The following USP6NL variants were observed in gnomAD, a reference collection of about 807,000 sequenced individuals.
USP6NL encodes the protein USP6 N-terminal like, also known as USP6 N-terminal-like protein.
In USP6NL, 26 loss-of-function variants were observed where a neutral mutation model predicts 61.9. That is an observed-to-expected ratio of 0.42 (90% CI 0.31 to 0.58). The LOEUF is 0.58. Ranked by LOEUF, USP6NL falls within the 20% of genes least tolerant of loss-of-function variation. The probability of loss-of-function intolerance (pLI) is 0.16; values close to 1 mark genes in which losing one functional copy is unlikely to be tolerated. For missense variants in USP6NL, 1,114 were observed against 1,034.3 expected (o/e 1.08, Z -1.06); for synonymous variants, 432 against 390.1 (o/e 1.11, Z -1.27).
chr10:11,480,748 T>C (rs568172901), intron 14 of USP6NL, among the ~76,000 whole-genome samples: 2 of 152,346 alleles, frequency 1.3e-5, no homozygotes, highest in African/African-American at 4.8e-5. Flanking sequence ...ACAGCCAACA[T>C]GACACACTGA....
In USP6NL at chr10:11,537,083, C is replaced by G. The variant is rs886873147; in HGVS notation, c.5-9516G>C. On this transcript the variant is annotated intron_variant, in intron 2 of 14. Transcript: ENST00000609104. The surrounding 1 kb of genome is among the most constrained non-coding windows in gnomAD (Gnocchi z 5.1). ...AGAGCCACACAAGTTCCATACATAT[C>G]TTCATATTCCTCCAGGTTTTGTTTT... Among the ~76,000 whole-genome samples the G allele has an allele frequency of 6.6e-6, 1 of 151,994 alleles. No homozygotes were observed. The highest frequency in any genetic ancestry group is 2.4e-5 in the African/African-American group (1 of 41,424).
intron 10 of USP6NL, among the ~76,000 whole-genome samples, 158 bp downstream of exon 10, chr10:11,488,943 GA>G (rs976340594): frequency 6.6e-6 from 1 of 152,186 alleles, no homozygotes; most frequent in Non-Finnish European, 1.5e-5. Flanking sequence ...GTTCAATAAT[GA>G]AAAATGAAAG....
At chr10:11,529,486 G>A (rs2133412353) in intron 2 of USP6NL, among the ~76,000 whole-genome samples, 1 of 152,344 alleles carries the variant, frequency 6.6e-6, no homozygotes, top group African/African-American at 2.4e-5. Flanking sequence ...AAACAACAGA[G>A]TGGGAAGTTG....
In USP6NL at chr10:11,591,994, T is replaced by C. The variant is rs1252298069; in HGVS notation, c.4+5637A>G. Among the ~76,000 whole-genome samples the C allele has an allele frequency of 3.3e-5, 5 of 152,056 alleles. No individual in the cohort carries two copies. Among genetic ancestry groups the C allele is most frequent in the African/African-American group, 1.2e-4 (5 of 41,384 alleles). ...AAGCAATTCTCCTGCCTCAGCCTCCTGAGTAGCTGAAATTACCGGCACCCA... is the reference window on the plus strand; with the variant it reads ...AAGCAATTCTCCTGCCTCAGCCTCCCGAGTAGCTGAAATTACCGGCACCCA... On this transcript the variant is annotated intron_variant, in intron 2 of 14. Coordinates refer to ENST00000609104, the MANE Select transcript of USP6NL (RefSeq NM_014688.5). The surrounding 1 kb of genome is among the most constrained non-coding windows in gnomAD (Gnocchi z 4.7).
At chr10:11,527,476 A>G (rs771621104) in intron 3 of USP6NL, 24 bp downstream of exon 3, 12 of 1,580,222 alleles carry the variant, frequency 7.6e-6, no homozygotes, top group South Asian at 1.2e-5. Flanking sequence ...AAACTCACCC[A>G]AAGTGTTAAA....
At position 11,537,531 on chromosome 10, in the gene USP6NL, AT is replaced by A. The variant is rs1336441305; in HGVS notation, c.5-9965del. 1.3e-5 allele frequency among the ~76,000 whole-genome samples: 2 copies of A among 152,222 alleles called. No homozygotes were observed. Among genetic ancestry groups the A allele is most frequent in the African/African-American group, 4.8e-5 (2 of 41,448 alleles). ...GCACAAATATGATTTATACCTTCCC[AT>A]TCAAAATATTTCTCGTATCACCAAT... On this transcript the variant is annotated intron_variant, in intron 2 of 14. Coordinates refer to ENST00000609104, the MANE Select transcript of USP6NL (RefSeq NM_014688.5). The surrounding 1 kb of genome is among the most constrained non-coding windows in gnomAD (Gnocchi z 5.1).
At position 11,463,863 on chromosome 10, in the gene USP6NL, G is replaced by A. The variant is rs187012764; in HGVS notation, c.1079-14C>T. 4.5e-4 allele frequency: 658 copies of A among 1,456,906 alleles called. 7 individuals are homozygous for A. In the Admixed American group the frequency reaches 0.017, roughly 38 times the overall value. 90.2% of individuals were successfully genotyped at this position (1,456,906 alleles called of 1,614,324 possible). On this transcript the variant is annotated splice_polypyrimidine_tract_variant and intron_variant, in intron 14 of 14. Coordinates refer to ENST00000609104, the MANE Select transcript of USP6NL (RefSeq NM_014688.5). The surrounding 1 kb of genome is among the most constrained non-coding windows in gnomAD (Gnocchi z 6.3). ...CATCCTCTTTACCTGAAAAGAAAGA[G>A]AAAGGCTAAGTAAGATAATACACGA...
intron 5 of USP6NL, among the ~76,000 whole-genome samples, chr10:11,516,198 C>A (rs1354505762): frequency 6.6e-6 from 1 of 152,042 alleles, no homozygotes; most frequent in African/African-American, 2.4e-5. Context: ...GACTGTATAC[C>A]ACTCTCCCTA....
intron 1 of USP6NL, among the ~76,000 whole-genome samples, chr10:11,609,986 C>A (rs889959136): frequency 1.3e-5 from 2 of 152,146 alleles, no homozygotes; most frequent in Admixed American, 6.5e-5. Context: ...ACTAAGTAGG[C>A]ACCAAAACTG....
At chr10:11,493,665 T>G (rs1368425172) in intron 7 of USP6NL, among the ~76,000 whole-genome samples, 1 of 152,268 alleles carries the variant, frequency 6.6e-6, no homozygotes, top group East Asian at 1.9e-4. Flanking sequence ...AATTCAATCC[T>G]AAGCTCCACT....
At chr10:11,557,678 A>G (rs1836765701) in intron 2 of USP6NL, among the ~76,000 whole-genome samples, 1 of 152,226 alleles carries the variant, frequency 6.6e-6, no homozygotes, top group Non-Finnish European at 1.5e-5. Flanking sequence ...AGAGCTGAGT[A>G]AGCAATGTTC....
intron 2 of USP6NL, among the ~76,000 whole-genome samples, chr10:11,568,279 C>T (rs1035441638): frequency 1.3e-5 from 2 of 152,014 alleles, no homozygotes; most frequent in Non-Finnish European, 2.9e-5. Flanking sequence ...CTTCAAGAAA[C>T]TAATTAGAAT....
rs2133239769 is a variant in USP6NL, at chr10:11,485,326, T to A, written c.760-92A>T. On this transcript the variant is annotated intron_variant, in intron 11 of 14. Transcript: ENST00000609104. This position sits in a 1 kb window ranked among gnomAD's most constrained non-coding sequence, Gnocchi z 4.8. ...TTAGGAAGGCTGTTGGATGCAGCTA[T>A]CAAAGCTAAACACATTTACTTCTCA... 3.9e-6 allele frequency: 4 copies of A among 1,025,056 alleles called. No homozygotes were observed. In the East Asian group the frequency reaches 1.1e-4, roughly 27 times the overall value. 63.5% of individuals were successfully genotyped at this position (1,025,056 alleles called of 1,614,324 possible).
In USP6NL at chr10:11,533,407, T is replaced by C. The variant is rs183521489; in HGVS notation, c.5-5840A>G. Reference sequence around the variant, plus strand: ...CATCCTAACCCCTGGAATCTGTAAATGTTGCCTCATAATTGCAAAAGTGAT... The same window carrying C: ...CATCCTAACCCCTGGAATCTGTAAACGTTGCCTCATAATTGCAAAAGTGAT... On this transcript the variant is annotated intron_variant, in intron 2 of 14. Coordinates refer to ENST00000609104, the MANE Select transcript of USP6NL (RefSeq NM_014688.5). 2.6e-5 allele frequency among the ~76,000 whole-genome samples: 4 copies of C among 152,362 alleles called. No homozygotes were observed. The East Asian group carries it at 7.7e-4, about 29-fold the overall frequency.
rs1448595387 is a variant in USP6NL, at chr10:11,553,844, C to T, written c.5-26277G>A. 6.6e-6 allele frequency among the ~76,000 whole-genome samples: 1 copy of T among 150,670 alleles called. No individual in the cohort carries two copies. The highest frequency in any genetic ancestry group is 1.5e-5 in the Non-Finnish European group (1 of 67,762). On this transcript the variant is annotated intron_variant, in intron 2 of 14. Coordinates refer to ENST00000609104, the MANE Select transcript of USP6NL (RefSeq NM_014688.5). The surrounding 1 kb of genome is among the most constrained non-coding windows in gnomAD (Gnocchi z 4.8). ...CCGGGAGGCAGAGGATGCAGTGAGCCGAGATCGTGCCACTCCAGCCTGGGC... is the reference window on the plus strand; with the variant it reads ...CCGGGAGGCAGAGGATGCAGTGAGCTGAGATCGTGCCACTCCAGCCTGGGC...
rs73569162 is a variant in USP6NL, at chr10:11,540,463, G to A, written c.5-12896C>T. Among the ~76,000 whole-genome samples the A allele has an allele frequency of 8.5e-3, 1,289 of 152,206 alleles. 18 individuals carry two copies. The highest frequency in any genetic ancestry group is 0.029 in the African/African-American group (1,216 of 41,538). ...ATTAATTCCCATGACTACAGAAAGGGCTCTATTGAATCTACTTCATTCACT... is the reference window on the plus strand; with the variant it reads ...ATTAATTCCCATGACTACAGAAAGGACTCTATTGAATCTACTTCATTCACT... On this transcript the variant is annotated intron_variant, in intron 2 of 14. Transcript: ENST00000609104. This position sits in a 1 kb window ranked among gnomAD's most constrained non-coding sequence, Gnocchi z 5.0.
At position 11,546,584 on chromosome 10, in the gene USP6NL, T is replaced by C. The variant is rs187292803; in HGVS notation, c.5-19017A>G. Among the ~76,000 whole-genome samples the C allele has an allele frequency of 2.3e-3, 351 of 152,210 alleles. 1 individual carries two copies. Among genetic ancestry groups the C allele is most frequent in the Non-Finnish European group, 3.8e-3 (256 of 68,004 alleles). ...GTCCGGCTAATTGTTGTTGTTGTTG[T>C]TGTTGTTGTTTTTAGTAGAGAAGGG... On this transcript the variant is annotated intron_variant, in intron 2 of 14. Coordinates refer to ENST00000609104, the MANE Select transcript of USP6NL (RefSeq NM_014688.5).
At position 11,584,164 on chromosome 10, in the gene USP6NL, A is replaced by G. The variant is rs548972168; in HGVS notation, c.4+13467T>C. On this transcript the variant is annotated intron_variant, in intron 2 of 14. Coordinates refer to ENST00000609104, the MANE Select transcript of USP6NL (RefSeq NM_014688.5). ...GCCCAGGAAGAATTTCAGTGAGCCA[A>G]GACTACACTACTGCACTCCAGCCTG... 4.6e-4 allele frequency among the ~76,000 whole-genome samples: 70 copies of G among 152,334 alleles called. 1 individual carries two copies. The highest frequency in any genetic ancestry group is 1.5e-3 in the African/African-American group (63 of 41,568).
rs750042521 is a variant in USP6NL at position 11,499,321 on chromosome 10, T to A, written c.384+1780A>T. 3.3e-5 allele frequency among the ~76,000 whole-genome samples: 5 copies of A among 152,222 alleles called. No homozygotes were observed. Among genetic ancestry groups the A allele is most frequent in the Non-Finnish European group, 7.3e-5 (5 of 68,044 alleles). On this transcript the variant is annotated intron_variant, in intron 7 of 14. Coordinates refer to ENST00000609104, the MANE Select transcript of USP6NL (RefSeq NM_014688.5). This position sits in a 1 kb window ranked among gnomAD's most constrained non-coding sequence, Gnocchi z 4.5. ...ACTGGCAGGCAAGTCATTCTTTTGT[T>A]GTAGTTGCTGTCAGATTTTACTAAA...
Sources: allele counts gnomAD v4.1 joint callset (sites outside exome capture counted in the v4.1 genomes callset), GRCh38; gene constraint gnomAD v4.1.1; non-coding constraint Gnocchi (gnomAD v3.1); transcripts MANE v1.5; gene names NCBI Gene and HGNC (gene_info 2026-07-23, HGNC 2026-07-21).